Variants in CTNNA3 observed in about 807,000 individuals in gnomAD.
CTNNA3 encodes catenin alpha-3.
In CTNNA3, 76 loss-of-function variants were observed where a neutral mutation model predicts 95.7. The ratio of observed to expected loss-of-function variants is 0.79; its 90% confidence interval spans 0.66 to 0.96. The LOEUF (loss-of-function observed/expected upper bound fraction) is 0.96, where lower values mean the gene tolerates loss of function less well. Ranked by LOEUF, CTNNA3 falls within the 40% of genes least tolerant of loss-of-function variation. CTNNA3 has a pLI of 0.00. For missense variants in CTNNA3, 1,191 were observed against 1,089.8 expected (o/e 1.09, Z -1.31); for synonymous variants, 431 against 374.4 (o/e 1.15, Z -1.74).
intron 7 of CTNNA3, among the ~76,000 whole-genome samples, chr10:66,978,063 TATATACAC>T (rs144868326): frequency 0.55 from 53,154 of 97,010 alleles, 10,973 homozygotes; most frequent in Admixed American, 0.62. Context: ...CATATATATA[TATATACAC>T]ACACACACAC....
intron 9 of CTNNA3, among the ~76,000 whole-genome samples, chr10:66,765,090 C>G (rs116090683): frequency 6.6e-4 from 101 of 152,254 alleles, no homozygotes; most frequent in African/African-American, 2.3e-3. Flanking sequence ...CGGCTTTGGG[C>G]TACAAAAATT....
chr10:66,232,884 G>A (rs564837334), intron 13 of CTNNA3, among the ~76,000 whole-genome samples: 66 of 152,104 alleles, frequency 4.3e-4, no homozygotes, highest in Non-Finnish European at 6.0e-4. Context: ...CAGGCCAGGC[G>A]CGGTGGCTCA....
intron 5 of CTNNA3, among the ~76,000 whole-genome samples, chr10:67,228,026 C>T (rs1045843904): frequency 2.0e-5 from 3 of 151,986 alleles, no homozygotes; most frequent in Non-Finnish European, 2.9e-5. Flanking sequence ...ACAGCAAAGG[C>T]GGTGCTAAGA....
At chr10:66,004,109 T>C (rs4746539) in intron 15 of CTNNA3, among the ~76,000 whole-genome samples, 149,125 of 152,362 alleles carry the variant, frequency 0.98, 73,004 homozygotes, top group East Asian at 1. Flanking sequence ...TTTTCAGAGC[T>C]AATTAAAAAT....
rs535281626 is a variant in CTNNA3 at position 67,240,295 on chromosome 10, G to A, written c.580-20425C>T. ...CCAGTCTTCTCTCTGCCAAGATGCT[G>A]CATACCAATTGCTTCACTGGTCATT... On this transcript the variant is annotated intron_variant, in intron 5 of 17. Transcript: ENST00000433211. Among the ~76,000 whole-genome samples the A allele has an allele frequency of 2.0e-4, 31 of 152,300 alleles. No homozygotes were observed. The South Asian group carries it at 6.4e-3, about 32-fold the overall frequency.
intron 13 of CTNNA3, among the ~76,000 whole-genome samples, chr10:66,119,812 A>G (rs972479743): frequency 1.3e-5 from 2 of 152,156 alleles, no homozygotes; most frequent in Admixed American, 6.5e-5. Context: ...TGAGGAACCA[A>G]TAAAGAGCCC....
chr10:66,675,830 G>T (rs1035879461), intron 9 of CTNNA3, among the ~76,000 whole-genome samples: 7 of 152,012 alleles, frequency 4.6e-5, no homozygotes, highest in Admixed American at 3.9e-4. Context: ...ATGAAAATAA[G>T]ATTTCAATCC....
At chr10:66,971,892 A>C (rs932966792) in intron 7 of CTNNA3, among the ~76,000 whole-genome samples, 1 of 151,990 alleles carries the variant, frequency 6.6e-6, no homozygotes, top group Admixed American at 6.6e-5. Context: ...ACAAGGTCAG[A>C]GCATATTCTT....
At chr10:66,096,008 C>G (rs1462833) in intron 14 of CTNNA3, among the ~76,000 whole-genome samples, 5,250 of 152,064 alleles carry the variant, frequency 0.035, 327 homozygotes, top group African/African-American at 0.12. Flanking sequence ...GTATATATGA[C>G]AAATAATGTA....
At chr10:66,662,639 A>G (rs990079760) in intron 9 of CTNNA3, among the ~76,000 whole-genome samples, 1 of 152,006 alleles carries the variant, frequency 6.6e-6, no homozygotes, top group Non-Finnish European at 1.5e-5. Context: ...CCTCTTAAGC[A>G]CCAGATCCCA....
At chr10:67,606,824 C>A (rs754674697) in intron 3 of CTNNA3, 33 bp downstream of exon 3, 1 of 1,513,986 alleles carries the variant, frequency 6.6e-7, no homozygotes, top group South Asian at 1.2e-5. Flanking sequence ...TAAAGATATG[C>A]AGTTTGCTCC....
intron 5 of CTNNA3, among the ~76,000 whole-genome samples, chr10:67,387,182 C>A (rs1039775339): frequency 2.6e-5 from 4 of 152,108 alleles, no homozygotes; most frequent in Non-Finnish European, 2.9e-5. Flanking sequence ...AGACAGTGGG[C>A]GCAGGTCAGT....
At chr10:66,547,818 T>C (rs1300552574) in intron 10 of CTNNA3, among the ~76,000 whole-genome samples, 1 of 152,156 alleles carries the variant, frequency 6.6e-6, no homozygotes, top group East Asian at 1.9e-4. Context: ...AATACAGATA[T>C]AGATTTCGGT....
chr10:66,662,231 T>C (rs1388720671), intron 9 of CTNNA3, among the ~76,000 whole-genome samples: 1 of 152,186 alleles, frequency 6.6e-6, no homozygotes, highest in Middle Eastern at 3.2e-3. Flanking sequence ...CTTAAAACAA[T>C]GGAGACATTG....
chr10:67,043,837 C>CT (rs563288254), intron 7 of CTNNA3, among the ~76,000 whole-genome samples: 17 of 151,908 alleles, frequency 1.1e-4, no homozygotes, highest in Middle Eastern at 3.4e-3. Context: ...GTGAGGACTA[C>CT]TTTTTTTTCT....
chr10:67,615,252 G>A (rs1843610717), intron 2 of CTNNA3, among the ~76,000 whole-genome samples: 1 of 152,056 alleles, frequency 6.6e-6, no homozygotes, highest in African/African-American at 2.4e-5. Flanking sequence ...AACTATTGAG[G>A]GACAGTAACA....
At chr10:66,098,512 C>A (rs72793477) in intron 14 of CTNNA3, among the ~76,000 whole-genome samples, 2 of 152,104 alleles carry the variant, frequency 1.3e-5, no homozygotes, top group African/African-American at 2.4e-5. Flanking sequence ...CAGTATCAGG[C>A]ACTGCTCTGT....
chr10:66,637,776 A>G (rs1437427211), intron 9 of CTNNA3, among the ~76,000 whole-genome samples: 1 of 152,288 alleles, frequency 6.6e-6, no homozygotes. Context: ...AGAGAATGCC[A>G]ATAAAAGCCC....
chr10:67,162,504 G>C (rs1206521351), intron 7 of CTNNA3, among the ~76,000 whole-genome samples: 1 of 151,796 alleles, frequency 6.6e-6, no homozygotes, highest in Non-Finnish European at 1.5e-5. Flanking sequence ...ATCTGCAAAA[G>C]AGAAAACATT....
Sources: gnomAD v4.1 joint callset for allele counts (sites outside exome capture counted in the v4.1 genomes callset) on GRCh38, gnomAD v4.1.1 for gene constraint, MANE v1.5 for transcripts, NCBI Gene and HGNC (gene_info 2026-07-23, HGNC 2026-07-21) for gene names.